Variants in RNF4 observed in about 807,000 individuals in gnomAD.
The protein encoded by RNF4 is E3 ubiquitin-protein ligase RNF4.
Under a neutral mutation model 24.3 loss-of-function variants are expected in RNF4, and 7 were observed. The observed-to-expected ratio is 0.29, with a 90% CI of 0.16 to 0.54. The LOEUF is 0.54. RNF4 is among the 20% of genes least tolerant of loss of function. The pLI is 0.95. For missense variants in RNF4, 209 were observed against 248.5 expected (o/e 0.84, Z 1.07); for synonymous variants, 83 against 84.3 (o/e 0.98, Z 0.09).
intron 1 of RNF4, among the ~76,000 whole-genome samples, chr4:2,483,395 A>G (rs1452260271): frequency 6.6e-6 from 1 of 152,230 alleles, no homozygotes; most frequent in Non-Finnish European, 1.5e-5. Context: ...CAGCCACATC[A>G]TTGCTGACCG....
chr4:2,511,882 G>A, intron 4 of RNF4, 74 bp from the exon 5 acceptor site: 1 of 1,489,608 alleles, frequency 6.7e-7, no homozygotes. Flanking sequence ...TCAGAAAAAA[G>A]AAATGGCTTC....
intron 4 of RNF4, among the ~76,000 whole-genome samples, chr4:2,506,896 A>G (rs1736118187): frequency 6.6e-6 from 1 of 152,174 alleles, no homozygotes; most frequent in Non-Finnish European, 1.5e-5. Context: ...GAGCATTTTC[A>G]GTATGCCAGT....
intron 1 of RNF4, among the ~76,000 whole-genome samples, chr4:2,472,804 G>A (rs868113401): frequency 1.3e-5 from 2 of 152,124 alleles, no homozygotes; most frequent in South Asian, 2.1e-4. Context: ...CACTTTGGGA[G>A]GCGAAGTGGG....
chr4:2,508,017 C>G (rs1340193034), intron 4 of RNF4, among the ~76,000 whole-genome samples: 3 of 152,050 alleles, frequency 2.0e-5, no homozygotes, highest in Non-Finnish European at 2.9e-5. Context: ...CCATGCCCAG[C>G]TTATTCTTTG....
chr4:2,474,311 G>A lies in RNF4; in HGVS notation c.-158+5053G>A, dbSNP rs1446211245. 2.7e-5 allele frequency among the ~76,000 whole-genome samples: 4 copies of A among 150,790 alleles called. No individual in the cohort carries two copies. The East Asian group carries it at 5.9e-4, about 22-fold the overall frequency. ...GAGAATCGCTTGAACCCAGGAGGCA[G>A]AGGTTGCAGCGAGCCGAAATCACGC... On this transcript the variant is annotated intron_variant, in intron 1 of 7. Coordinates refer to ENST00000314289, the MANE Select transcript of RNF4 (RefSeq NM_002938.5).
intron 3 of RNF4, among the ~76,000 whole-genome samples, chr4:2,498,388 A>C (rs939500209): frequency 6.6e-6 from 1 of 151,930 alleles, no homozygotes; most frequent in South Asian, 2.1e-4. Context: ...GGGTTTCACC[A>C]TGTCAGTCAG....
chr4:2,491,606 C>T (rs1015488654), intron 2 of RNF4, among the ~76,000 whole-genome samples: 2 of 152,102 alleles, frequency 1.3e-5, no homozygotes, highest in Admixed American at 1.3e-4. Flanking sequence ...CCACACCCAG[C>T]TGATTTTGTA....
chr4:2,471,362 G>C (rs183306741), intron 1 of RNF4, among the ~76,000 whole-genome samples: 30 of 152,286 alleles, frequency 2.0e-4, no homozygotes, highest in African/African-American at 7.0e-4. Context: ...AACTTAATTG[G>C]TAAAAGTTGG....
At chr4:2,505,544 C>T (rs1434609784) in intron 4 of RNF4, 6 of 150,010 alleles carry the variant, frequency 4.0e-5, no homozygotes, top group Admixed American at 6.7e-5. Context: ...CCAGGATGGT[C>T]TCGATCTCCT....
intron 1 of RNF4, among the ~76,000 whole-genome samples, chr4:2,479,394 A>G (rs1735179108): frequency 6.6e-6 from 1 of 152,124 alleles, no homozygotes; most frequent in Admixed American, 6.5e-5. Context: ...GTGGAATGAT[A>G]TGGTTTGGCT....
chr4:2,502,115 T>G lies in RNF4; in HGVS notation c.204+1377T>G, dbSNP rs372073457. On this transcript the variant is annotated intron_variant, in intron 4 of 7. Transcript: ENST00000314289. ...TAGCTGGCAGCTACAGCACAGTCAC[T>G]GATTTTTCCCCTCTTTCTTTTTCCC... Among the ~76,000 whole-genome samples the G allele has an allele frequency of 1.3e-4, 20 of 152,366 alleles. No homozygotes were observed. In the South Asian group the frequency reaches 3.7e-3, roughly 28 times the overall value.
intron 4 of RNF4, 66 bp downstream of exon 4, chr4:2,500,804 G>T: frequency 1.4e-6 from 2 of 1,478,122 alleles, no homozygotes; most frequent in South Asian, 1.2e-5. Context: ...GCCAGCATCT[G>T]ACAGCCTTGG....
chr4:2,476,618 C>T (rs906657392), intron 1 of RNF4, among the ~76,000 whole-genome samples: 1 of 151,950 alleles, frequency 6.6e-6, no homozygotes, highest in Non-Finnish European at 1.5e-5. Flanking sequence ...GTCTCGAACT[C>T]CTGACCTTGT....
chr4:2,494,012 T>C (rs1425958054), intron 2 of RNF4, among the ~76,000 whole-genome samples: 1 of 151,566 alleles, frequency 6.6e-6, no homozygotes. Context: ...CCAGCTACTT[T>C]TTGTGTTATT....
Position 2,512,935 on chromosome 4 carries a change from T to C in RNF4, c.375-148T>C. The C allele has an allele frequency of 1.2e-6, 1 of 807,780 alleles. No individual in the cohort carries two copies. 50.0% of individuals were successfully genotyped at this position (807,780 alleles called of 1,614,324 possible). Reference sequence around the variant, plus strand: ...CACATGCCCTTGGGGCAGTTGGCTTTCCTGAAAGTCTCTCGGATGCCCGCG... The same window carrying C: ...CACATGCCCTTGGGGCAGTTGGCTTCCCTGAAAGTCTCTCGGATGCCCGCG... On this transcript the variant is annotated intron_variant, in intron 6 of 7. Coordinates refer to ENST00000314289, the MANE Select transcript of RNF4 (RefSeq NM_002938.5). The surrounding 1 kb of genome is among the most constrained non-coding windows in gnomAD (Gnocchi z 4.1).
At chr4:2,500,618 C>T (rs1735881278) in intron 3 of RNF4, 41 bp from the exon 4 acceptor site, 15 of 1,600,142 alleles carry the variant, frequency 9.4e-6, no homozygotes, top group Non-Finnish European at 1.2e-5. Flanking sequence ...ACCTTACTTT[C>T]CTCTTAATCT....
At chr4:2,476,586 G>C (rs10007662) in intron 1 of RNF4, among the ~76,000 whole-genome samples, 46,017 of 151,904 alleles carry the variant, frequency 0.3, 8,381 homozygotes, top group Admixed American at 0.5. Flanking sequence ...TAGAGATGGG[G>C]TTTCACCATG....
At chr4:2,485,401 A>T (rs1735376762) in intron 1 of RNF4, among the ~76,000 whole-genome samples, 1 of 152,006 alleles carries the variant, frequency 6.6e-6, no homozygotes, top group Non-Finnish European at 1.5e-5. Flanking sequence ...CCAAGTTTTC[A>T]CACATTCTGA....
intron 4 of RNF4, among the ~76,000 whole-genome samples, chr4:2,507,415 C>T (rs1251520417): frequency 6.6e-6 from 1 of 152,238 alleles, no homozygotes; most frequent in East Asian, 1.9e-4. Flanking sequence ...GTCTTCCCGA[C>T]TTTCCTGCCA....
Sources: gnomAD v4.1 joint callset for allele counts (sites outside exome capture counted in the v4.1 genomes callset) on GRCh38, gnomAD v4.1.1 for gene constraint, Gnocchi (gnomAD v3.1) non-coding constraint, MANE v1.5 for transcripts, NCBI Gene and HGNC (gene_info 2026-07-23, HGNC 2026-07-21) for gene names.